CORO1C: variants seen among roughly 807,000 people sequenced by gnomAD.
The protein encoded by CORO1C is coronin-1C.
In CORO1C, 14 loss-of-function variants were observed where a neutral mutation model predicts 51.2. That is an observed-to-expected ratio of 0.27 (90% CI 0.18 to 0.43). The LOEUF is 0.43. CORO1C is among the 20% of genes least tolerant of loss of function. CORO1C has a pLI of 1.00. For synonymous variants in CORO1C, 181 were observed against 210.5 expected (o/e 0.86, Z 1.21); for missense variants, 417 against 607.8 (o/e 0.69, Z 3.30).
chr12:108,687,504 G>T (rs1010854293), intron 2 of CORO1C, among the ~76,000 whole-genome samples: 2 of 150,646 alleles, frequency 1.3e-5, no homozygotes, highest in East Asian at 2.0e-4. Context: ...TAATAATAAG[G>T]CCAGGTGCAG....
intron 2 of CORO1C, among the ~76,000 whole-genome samples, chr12:108,687,162 A>G (rs2034323110): frequency 6.6e-6 from 1 of 152,248 alleles, no homozygotes; most frequent in Non-Finnish European, 1.5e-5. Flanking sequence ...TTGCGGGGAG[A>G]AAGTGAATGA....
intron 4 of CORO1C, among the ~76,000 whole-genome samples, chr12:108,660,846 CATGG>C (rs2033232533): frequency 6.6e-6 from 1 of 152,136 alleles, no homozygotes; most frequent in Non-Finnish European, 1.5e-5. Flanking sequence ...TTATAAAAAA[CATGG>C]CATCTTTTTT....
At chr12:108,692,740 A>T (rs1438063813) in intron 2 of CORO1C, among the ~76,000 whole-genome samples, 1 of 150,580 alleles carries the variant, frequency 6.6e-6, no homozygotes, top group Non-Finnish European at 1.5e-5. Context: ...TTGTTATTAA[A>T]CTCTCTAATC....
chr12:108,714,896 T>C (rs566145547), intron 1 of CORO1C, among the ~76,000 whole-genome samples: 5 of 152,338 alleles, frequency 3.3e-5, no homozygotes, highest in South Asian at 2.1e-4. Flanking sequence ...AGAGACTTGG[T>C]TGGGGACCAC....
At chr12:108,665,518 A>G (rs535986948) in intron 3 of CORO1C, among the ~76,000 whole-genome samples, 1 of 152,270 alleles carries the variant, frequency 6.6e-6, no homozygotes, top group South Asian at 2.1e-4. Flanking sequence ...GACTTCTATC[A>G]GACTGAAAAT....
Position 108,659,011 on chromosome 12 carries a change from GTA to G in CORO1C, c.449-94_449-93del, listed in dbSNP as rs1009419622. 28 of 1,288,858 alleles carry G rather than the reference GTA, an allele frequency of 2.2e-5. 1 individual carries two copies. In the South Asian group the frequency reaches 4.6e-4, roughly 21 times the overall value. The allele number at this position is 1,288,858 out of a possible 1,614,324, so 79.8% of individuals were successfully genotyped here. ...ACAGATACAGTGAGAATACACATAT[GTA>G]TATGCAGAGAGAGAGAGAGAGAAAG... On this transcript the variant is annotated intron_variant, in intron 4 of 10. Coordinates refer to ENST00000261401, the MANE Select transcript of CORO1C (RefSeq NM_014325.4).
rs1162467848 is a variant in CORO1C at position 108,662,024 on chromosome 12, C to G, written c.448+5G>C. On this transcript the variant is annotated splice_donor_5th_base_variant and intron_variant, in intron 4 of 10. Coordinates refer to ENST00000261401, the MANE Select transcript of CORO1C (RefSeq NM_014325.4). ...AAGGGGAGGACCGCTGAGCTCAGCT[C>G]CCACCTGCACTAAGAAGCACATTGC... 1 of 1,614,114 alleles carries G rather than the reference C, an allele frequency of 6.2e-7. No individual in the cohort carries two copies.
At chr12:108,678,439 C>T in intron 2 of CORO1C, 45 bp from the exon 3 acceptor site, 1 of 1,454,688 alleles carries the variant, frequency 6.9e-7, no homozygotes, top group Non-Finnish European at 9.2e-7. Context: ...ATCAACACCA[C>T]AGACGTTATA....
intron 3 of CORO1C, among the ~76,000 whole-genome samples, chr12:108,664,725 A>T (rs371922730): frequency 6.6e-6 from 1 of 152,222 alleles, no homozygotes; most frequent in Admixed American, 6.5e-5. Context: ...ACTGCATGTT[A>T]GCTTTCATCC....
chr12:108,658,968 T>C lies in CORO1C; in HGVS notation c.449-49A>G. 1 of 1,562,702 alleles carries C rather than the reference T, an allele frequency of 6.4e-7. No homozygotes were observed. The highest frequency in any genetic ancestry group is 8.8e-7 in the Non-Finnish European group (1 of 1,141,682). On this transcript the variant is annotated intron_variant, in intron 4 of 10. Coordinates refer to ENST00000261401, the MANE Select transcript of CORO1C (RefSeq NM_014325.4). The surrounding 1 kb of genome is among the most constrained non-coding windows in gnomAD (Gnocchi z 4.9). ...GATTAGAAGATTAGAAACACCTATG[T>C]AACACACTCAGAAAACTACAGATAC...
At chr12:108,699,885 C>A (rs965636348) in intron 2 of CORO1C, among the ~76,000 whole-genome samples, 1 of 152,150 alleles carries the variant, frequency 6.6e-6, no homozygotes, top group African/African-American at 2.4e-5. Context: ...CTCCCTTCTT[C>A]GGTTAGGAGA....
At chr12:108,664,990 A>C (rs994856376) in intron 3 of CORO1C, among the ~76,000 whole-genome samples, 1 of 152,188 alleles carries the variant, frequency 6.6e-6, no homozygotes, top group Non-Finnish European at 1.5e-5. Context: ...ACCACCTTCA[A>C]TCTCCAGATG....
intron 6 of CORO1C, among the ~76,000 whole-genome samples, chr12:108,656,252 G>A (rs1455908970): frequency 5.4e-5 from 8 of 148,946 alleles, no homozygotes; most frequent in Non-Finnish European, 8.9e-5. Context: ...AGTGAGGAGC[G>A]TCTCTGCCCG....
intron 2 of CORO1C, among the ~76,000 whole-genome samples, chr12:108,685,836 T>C (rs1592901667): frequency 6.6e-6 from 1 of 152,256 alleles, no homozygotes; most frequent in African/African-American, 2.4e-5. Flanking sequence ...GAAGACAGTA[T>C]GGGGGTAGAT....
At chr12:108,724,180 C>T (rs1241018153) in intron 1 of CORO1C, among the ~76,000 whole-genome samples, 1 of 152,168 alleles carries the variant, frequency 6.6e-6, no homozygotes, top group Non-Finnish European at 1.5e-5. Context: ...TAGGTACATG[C>T]TACCAACTGT....
intron 2 of CORO1C, among the ~76,000 whole-genome samples, chr12:108,683,643 T>C (rs577588739): frequency 1.2e-4 from 19 of 152,148 alleles, no homozygotes; most frequent in South Asian, 8.3e-4. Context: ...AAATACACAA[T>C]CTCACAGAAG....
At chr12:108,717,511 G>C (rs1036356391) in intron 1 of CORO1C, among the ~76,000 whole-genome samples, 1 of 152,182 alleles carries the variant, frequency 6.6e-6, no homozygotes, top group Non-Finnish European at 1.5e-5. Context: ...AGCTAGTTAG[G>C]AAGTCACGGC....
At chr12:108,664,051 C>T (rs1307445322) in intron 3 of CORO1C, among the ~76,000 whole-genome samples, 3 of 152,172 alleles carry the variant, frequency 2.0e-5, no homozygotes, top group African/African-American at 7.2e-5. Flanking sequence ...GGCTGAGTTA[C>T]AGGTAAGCTG....
At chr12:108,722,936 T>C (rs1592954663) in intron 1 of CORO1C, among the ~76,000 whole-genome samples, 1 of 152,208 alleles carries the variant, frequency 6.6e-6, no homozygotes, top group East Asian at 1.9e-4. Flanking sequence ...TTCCAACTTA[T>C]CTTTTCCTAC....
Sources: allele counts gnomAD v4.1 joint callset (sites outside exome capture counted in the v4.1 genomes callset), GRCh38; gene constraint gnomAD v4.1.1; non-coding constraint Gnocchi (gnomAD v3.1); transcripts MANE v1.5; gene names NCBI Gene and HGNC (gene_info 2026-07-23, HGNC 2026-07-21).